CAMK2D: variants seen among roughly 807,000 people sequenced by gnomAD.
The protein encoded by CAMK2D is calcium/calmodulin dependent protein kinase II delta.
Under a neutral mutation model 84.0 loss-of-function variants are expected in CAMK2D, and 37 were observed. That is an observed-to-expected ratio of 0.44 (90% CI 0.34 to 0.58). The LOEUF is 0.58. Ranked by LOEUF, CAMK2D falls within the 20% of genes least tolerant of loss-of-function variation. The pLI is 0.02. For synonymous variants in CAMK2D, 202 were observed against 212.5 expected, an observed-to-expected ratio of 0.95 and a Z score of 0.43; for missense variants, 448 against 652.5, an observed-to-expected ratio of 0.69 and a Z score of 3.41.
At chr4:113,532,260 A>T (rs186393425) in intron 7 of CAMK2D, among the ~76,000 whole-genome samples, 325 of 152,356 alleles carry the variant, frequency 2.1e-3, no homozygotes, top group Admixed American at 4.1e-3. Flanking sequence ...ATGAGGAAAA[A>T]AACTTTGCAC....
intron 2 of CAMK2D, among the ~76,000 whole-genome samples, chr4:113,732,434 T>C (rs1463311637): frequency 6.6e-6 from 1 of 152,140 alleles, no homozygotes; most frequent in Non-Finnish European, 1.5e-5. Context: ...TGCACTCCTT[T>C]TTAATGTCGA....
chr4:113,637,633 C>T (rs1306669472), intron 3 of CAMK2D, among the ~76,000 whole-genome samples: 1 of 152,018 alleles, frequency 6.6e-6, no homozygotes, highest in African/African-American at 2.4e-5. Flanking sequence ...AACAGTAATC[C>T]AACTATTCAG....
intron 16 of CAMK2D, among the ~76,000 whole-genome samples, 196 bp downstream of exon 16, chr4:113,500,267 T>C (rs1432388572): frequency 6.6e-6 from 1 of 152,130 alleles, no homozygotes; most frequent in Non-Finnish European, 1.5e-5. Context: ...AAAGAATATG[T>C]AGGAAAAATG....
rs1554093408 is a variant in CAMK2D at position 113,747,319 on chromosome 4, T to TTTC, written c.160+12000_160+12001insGAA. ...AGAATTTTGAACTTTTTTTTTTTTTTAAATTCAATAGGAAAAGCGTATGCA... is the reference window on the plus strand; with the variant it reads ...AGAATTTTGAACTTTTTTTTTTTTTTTTCAAATTCAATAGGAAAAGCGTATGCA... On this transcript the variant is annotated intron_variant, in intron 2 of 20. Transcript: ENST00000511664. Among the ~76,000 whole-genome samples the TTTC allele has an allele frequency of 5.8e-3, 857 of 147,318 alleles. 3 individuals are homozygous for TTTC. Among genetic ancestry groups the TTTC allele is most frequent in the South Asian group, 0.023 (106 of 4,680 alleles).
intron 2 of CAMK2D, among the ~76,000 whole-genome samples, chr4:113,756,939 TGAAG>T (rs1400231771): frequency 6.6e-6 from 1 of 152,146 alleles, no homozygotes; most frequent in Non-Finnish European, 1.5e-5. Flanking sequence ...TTGACCATTT[TGAAG>T]GAAAAGTTCT....
At chr4:113,621,653 T>C (rs892846215) in intron 3 of CAMK2D, among the ~76,000 whole-genome samples, 4 of 152,192 alleles carry the variant, frequency 2.6e-5, no homozygotes, top group Admixed American at 1.3e-4. Flanking sequence ...GGAGGGTTCA[T>C]TCTTTCAGTC....
chr4:113,542,517 C>T (rs983323752), intron 6 of CAMK2D, among the ~76,000 whole-genome samples: 2 of 152,092 alleles, frequency 1.3e-5, no homozygotes, highest in Non-Finnish European at 2.9e-5. Flanking sequence ...AGATCAACAC[C>T]ATCCTGGCTA....
In CAMK2D at chr4:113,502,979, T is replaced by A; in HGVS notation, c.1045-2A>T. 1.3e-6 allele frequency: 2 copies of A among 1,599,988 alleles called. No homozygotes were observed. Among genetic ancestry groups the A allele is most frequent in the South Asian group, 2.2e-5 (2 of 90,812 alleles). Reference sequence around the variant, plus strand: ...GTGGATTACAGTAGTTTGGGGCTCCTGAGTGAGAACAAAATAGAGAAAGAA... The same window carrying A: ...GTGGATTACAGTAGTTTGGGGCTCCAGAGTGAGAACAAAATAGAGAAAGAA... On this transcript the variant is annotated splice_acceptor_variant, in intron 14 of 20. Coordinates refer to ENST00000511664, the MANE Select transcript of CAMK2D (RefSeq NM_001321571.2). LOFTEE classifies it high-confidence loss of function.
chr4:113,480,633 G>C (rs2097690428), intron 16 of CAMK2D, among the ~76,000 whole-genome samples: 1 of 152,018 alleles, frequency 6.6e-6, no homozygotes, highest in African/African-American at 2.4e-5. Context: ...TTGAGGTCAG[G>C]AGTTCGAAAC....
At chr4:113,731,087 C>T (rs1406297276) in intron 2 of CAMK2D, among the ~76,000 whole-genome samples, 1 of 152,160 alleles carries the variant, frequency 6.6e-6, no homozygotes, top group Admixed American at 6.5e-5. Flanking sequence ...TGAATATTTT[C>T]AAGAAGTGCT....
intron 2 of CAMK2D, among the ~76,000 whole-genome samples, chr4:113,717,047 C>T (rs1010180099): frequency 6.6e-6 from 1 of 151,998 alleles, no homozygotes; most frequent in Non-Finnish European, 1.5e-5. Context: ...CCTATTTTAC[C>T]TTTTCCAAGT....
At chr4:113,754,885 A>G in intron 2 of CAMK2D, 1 of 983,390 alleles carries the variant, frequency 1.0e-6, no homozygotes, top group Non-Finnish European at 1.2e-6. Flanking sequence ...GATTCTATGT[A>G]CAAATATAAA....
chr4:113,712,155 T>A (rs1412926884), intron 2 of CAMK2D, among the ~76,000 whole-genome samples: 1 of 152,188 alleles, frequency 6.6e-6, no homozygotes, highest in South Asian at 2.1e-4. Context: ...GAGTCACTTA[T>A]ACTTTCAAGT....
chr4:113,503,881 A>C (rs1590285711), intron 14 of CAMK2D, among the ~76,000 whole-genome samples: 2 of 152,168 alleles, frequency 1.3e-5, no homozygotes, highest in East Asian at 3.9e-4. Flanking sequence ...ATATCTTGGC[A>C]ATGGGGAGGT....
In CAMK2D at chr4:113,509,686, A is replaced by G. The variant is rs778445805; in HGVS notation, c.947-11T>C. 7 of 1,603,600 alleles carry G rather than the reference A, an allele frequency of 4.4e-6. No homozygotes were observed. The highest frequency in any genetic ancestry group is 6.0e-6 in the Non-Finnish European group (7 of 1,170,470). On this transcript the variant is annotated splice_polypyrimidine_tract_variant and intron_variant, in intron 12 of 20. Coordinates refer to ENST00000511664, the MANE Select transcript of CAMK2D (RefSeq NM_001321571.2). ...ACAAACTCTTGGCTGCTGTAAAATG[A>G]GAGTAAAATCAGTTTAGTGAGTTAT...
At chr4:113,602,463 G>A (rs1001507816) in intron 4 of CAMK2D, among the ~76,000 whole-genome samples, 2 of 152,140 alleles carry the variant, frequency 1.3e-5, no homozygotes, top group Admixed American at 1.3e-4. Context: ...ACATAAATTT[G>A]TAGAGTTTTC....
At chr4:113,528,983 T>C (rs2098440272) in intron 8 of CAMK2D, among the ~76,000 whole-genome samples, 1 of 152,194 alleles carries the variant, frequency 6.6e-6, no homozygotes, top group African/African-American at 2.4e-5. Context: ...AAGACAGAGC[T>C]TGGGGCATTC....
chr4:113,737,978 C>A (rs2099585053), intron 2 of CAMK2D, among the ~76,000 whole-genome samples: 1 of 152,102 alleles, frequency 6.6e-6, no homozygotes, highest in South Asian at 2.1e-4. Context: ...AAGCCATAGT[C>A]ACATGGTAAA....
intron 7 of CAMK2D, among the ~76,000 whole-genome samples, chr4:113,536,268 C>T (rs1420450473): frequency 6.6e-6 from 1 of 152,038 alleles, no homozygotes; most frequent in East Asian, 1.9e-4. Flanking sequence ...CTGTCAGGTA[C>T]TACTGAAAAA....
Sources: allele counts gnomAD v4.1 joint callset (sites outside exome capture counted in the v4.1 genomes callset), GRCh38; gene constraint gnomAD v4.1.1; transcripts MANE v1.5; gene names NCBI Gene and HGNC (gene_info 2026-07-23, HGNC 2026-07-21).